Variants in C10orf53 observed in about 807,000 individuals in gnomAD.
C10orf53 encodes UPF0728 protein C10orf53.
In C10orf53, 8 loss-of-function variants were observed where a neutral mutation model predicts 9.4. That is an observed-to-expected ratio of 0.85 (90% confidence interval 0.50 to 1.53). C10orf53 has a LOEUF of 1.53. Ranked by LOEUF, C10orf53 falls within the 40% of genes most tolerant of loss-of-function variation. The pLI, the probability that C10orf53 is intolerant of heterozygous loss-of-function variation, is 0.00. For synonymous variants in C10orf53, 48 were observed against 46.0 expected, an observed-to-expected ratio of 1.04 and a Z score of -0.18; for missense variants, 117 against 117.8, an observed-to-expected ratio of 0.99 and a Z score of 0.03.
intron 2 of C10orf53, among the ~76,000 whole-genome samples, chr10:49,706,351 G>A (rs1250228603): frequency 6.6e-6 from 1 of 152,214 alleles, no homozygotes; most frequent in Non-Finnish European, 1.5e-5. Flanking sequence ...TCCATCAACT[G>A]ATGAATAAGC....
intron 1 of C10orf53, among the ~76,000 whole-genome samples, chr10:49,680,245 C>T (rs1840466554): frequency 6.6e-6 from 1 of 152,182 alleles, no homozygotes; most frequent in Non-Finnish European, 1.5e-5. Context: ...GATGAATGTC[C>T]TTGAAGTAAT....
In C10orf53 at chr10:49,693,815, A is replaced by G. The variant is rs1195140508; in HGVS notation, c.139A>G (p.Ile47Val). Reference protein sequence around the residue: ...IDGHEVILEKIEDWNVVELMV... With the variant: ...IDGHEVILEKVEDWNVVELMV... ...TGGACATGAGGTCATCCTAGAGAAG[A>G]TAGAAGACTGGAATGTGGTGGAACT... is the stretch of plus-strand genomic sequence containing the variant. Residue 47 changes from isoleucine (I) to valine (V), a missense_variant, in exon 2 of 3, where the codon ATA becomes GTA. By Grantham distance (29) the Ile-to-Val change is conservative. Transcript: ENST00000374111. 1.2e-6 allele frequency: 2 copies of G among 1,613,966 alleles called. No individual in the cohort carries two copies. The highest frequency in any genetic ancestry group is 1.7e-6 in the Non-Finnish European group (2 of 1,179,784).
chr10:49,694,350 T>C (rs1840613940), intron 2 of C10orf53, 188 bp from the exon 3 acceptor site: 1 of 776,388 alleles, frequency 1.3e-6, no homozygotes, highest in Admixed American at 2.9e-5. Flanking sequence ...AGGCTGGCAC[T>C]GTGCGTGCCT....
exon 3 of C10orf53, chr10:49,708,745 T>C: frequency 7.1e-7 from 1 of 1,400,868 alleles, no homozygotes; most frequent in South Asian, 1.5e-5. Flanking sequence ...CTCCCGAACC[T>C]CTCCAGCTAG....
intron 1 of C10orf53, among the ~76,000 whole-genome samples, chr10:49,685,114 T>C (rs1840515106): frequency 6.6e-6 from 1 of 152,096 alleles, no homozygotes. Flanking sequence ...TTTCTCTCTC[T>C]CTCTCAAACA....
intron 2 of C10orf53, among the ~76,000 whole-genome samples, chr10:49,703,062 TC>T (rs1214236829): frequency 6.6e-5 from 10 of 152,000 alleles, no homozygotes; most frequent in Admixed American, 6.6e-4. Flanking sequence ...GCCGGGGGCC[TC>T]CCACTTATTC....
intron 2 of C10orf53, among the ~76,000 whole-genome samples, chr10:49,707,128 C>T (rs902220121): frequency 2.0e-5 from 3 of 146,826 alleles, no homozygotes; most frequent in Non-Finnish European, 3.0e-5. Context: ...CCTTGGTCAC[C>T]TGCCTCACAT....
At position 49,679,654 on chromosome 10, in the gene C10orf53, A is replaced by G; in HGVS notation, c.-44A>G. ...CGGGCCGGAAGAGAGGTTGCTTAGC[A>G]GCGTGTGTTTCTCCCTTGCCTCTGC... On this transcript the variant is annotated 5_prime_UTR_variant, in exon 1 of 3. Transcript: ENST00000374111. 6.5e-7 allele frequency: 1 copy of G among 1,536,996 alleles called. No homozygotes were observed. Among genetic ancestry groups the G allele is most frequent in the Non-Finnish European group, 8.8e-7 (1 of 1,139,694 alleles).
chr10:49,692,711 A>G (rs552307369), intron 1 of C10orf53, among the ~76,000 whole-genome samples: 1 of 152,326 alleles, frequency 6.6e-6, no homozygotes, highest in South Asian at 2.1e-4. Flanking sequence ...ATTGGAAAAA[A>G]TAGAGCTCTA....
intron 1 of C10orf53, 24 bp downstream of exon 1, chr10:49,679,818 C>T (rs1271019473): frequency 2.4e-5 from 36 of 1,518,534 alleles, no homozygotes; most frequent in Non-Finnish European, 2.7e-5. Flanking sequence ...CCGCGTGCGC[C>T]CCTGAGGGCC....
chr10:49,708,279 A>C, intron 2 of C10orf53: 1 of 1,557,458 alleles, frequency 6.4e-7, no homozygotes, highest in East Asian at 2.2e-5. Flanking sequence ...GGCATAGGTG[A>C]ATATGAGTGT....
At chr10:49,682,561 GGCGCAGGGGGACAGGAGCCA>G (rs1840489835) in intron 1 of C10orf53, among the ~76,000 whole-genome samples, 1 of 1,540 alleles carries the variant, frequency 6.5e-4, no homozygotes, top group African/African-American at 1.6e-3. Flanking sequence ...TGCTGCTGCT[GGCGCAGGGGGACAGGAGCCA>G]GTTGCTGCTG....
At position 49,679,690 on chromosome 10, in the gene C10orf53, G is replaced by A; in HGVS notation, c.-8G>A. 6.5e-7 allele frequency: 1 copy of A among 1,545,582 alleles called. No individual in the cohort carries two copies. Among genetic ancestry groups the A allele is most frequent in the East Asian group, 2.5e-5 (1 of 40,314 alleles). On this transcript the variant is annotated 5_prime_UTR_variant, in exon 1 of 3. Transcript: ENST00000374111. ...CTCCCTTGCCTCTGCGGCGGCGGAG[G>A]CCTGGCGATGCCCAAGAACGCAGTG...
chr10:49,689,784 A>G (rs951969574), intron 1 of C10orf53, among the ~76,000 whole-genome samples: 1 of 152,178 alleles, frequency 6.6e-6, no homozygotes, highest in Admixed American at 6.5e-5. Flanking sequence ...GCCACTGAAA[A>G]AGACAGAGGG....
intron 1 of C10orf53, among the ~76,000 whole-genome samples, chr10:49,682,972 C>A (rs985399193): frequency 1.3e-5 from 2 of 152,196 alleles, no homozygotes; most frequent in African/African-American, 4.8e-5. Flanking sequence ...ATCTGTTTAT[C>A]TGTTGATAGA....
At chr10:49,708,140 T>C (rs916468477) in intron 2 of C10orf53, among the ~76,000 whole-genome samples, 1 of 152,190 alleles carries the variant, frequency 6.6e-6, no homozygotes, top group Non-Finnish European at 1.5e-5. Context: ...ATTTCTTTGT[T>C]ACATGCTAGA....
At chr10:49,694,516 A>G in intron 2 of C10orf53, 22 bp from the exon 3 acceptor site, 4 of 1,614,024 alleles carry the variant, frequency 2.5e-6, no homozygotes, top group Non-Finnish European at 2.5e-6. Flanking sequence ...TAACCAAAAG[A>G]CAATTATATC....
At chr10:49,692,521 C>T (rs1354268232) in intron 1 of C10orf53, among the ~76,000 whole-genome samples, 1 of 152,230 alleles carries the variant, frequency 6.6e-6, no homozygotes, top group Non-Finnish European at 1.5e-5. Context: ...GTTTGCTTTA[C>T]TCCGTGTAAA....
chr10:49,700,963 C>G (rs915338485), downstream of C10orf53, among the ~76,000 whole-genome samples: 1 of 152,082 alleles, frequency 6.6e-6, no homozygotes, highest in African/African-American at 2.4e-5. Flanking sequence ...GCTAATCTGC[C>G]ACTTGTACCC....
Sources: gnomAD v4.1 joint callset for allele counts (sites outside exome capture counted in the v4.1 genomes callset) on GRCh38, gnomAD v4.1.1 for gene constraint, MANE v1.5 for transcripts, NCBI Gene and HGNC (gene_info 2026-07-23, HGNC 2026-07-21) for gene names.